The following NTM variants were observed in gnomAD, a reference collection of about 807,000 sequenced individuals.
NTM encodes the protein IgLON family member 2.
A neutral mutation model predicts 42.1 loss-of-function variants in NTM; 13 were observed. The ratio of observed to expected loss-of-function variants is 0.31; its 90% confidence interval spans 0.20 to 0.49. NTM has a LOEUF of 0.49. Ranked by LOEUF, NTM falls within the 20% of genes least tolerant of loss-of-function variation. The pLI is 0.99. For missense variants in NTM, 373 were observed against 452.8 expected (o/e 0.82, Z 1.60); for synonymous variants, 187 against 179.2 (o/e 1.04, Z -0.35).
At chr11:131,598,250 A>T (rs1461304516) in intron 1 of NTM, among the ~76,000 whole-genome samples, 2 of 152,196 alleles carry the variant, frequency 1.3e-5, no homozygotes, top group Non-Finnish European at 1.5e-5. Flanking sequence ...GCTGGGTCAC[A>T]TTTTCAGAAT....
At chr11:131,923,846 C>T (rs2057566803) in intron 2 of NTM, among the ~76,000 whole-genome samples, 1 of 152,220 alleles carries the variant, frequency 6.6e-6, no homozygotes, top group Non-Finnish European at 1.5e-5. Flanking sequence ...GCCCGACCCT[C>T]CTCCCATCCC....
chr11:131,730,786 G>A (rs1327193654), intron 1 of NTM, among the ~76,000 whole-genome samples: 1 of 151,368 alleles, frequency 6.6e-6, no homozygotes, highest in Non-Finnish European at 1.5e-5. Context: ...GAATGGATCT[G>A]GGGTGCCTCT....
chr11:131,370,908 T>G lies in NTM; in HGVS notation c.82+20T>G, dbSNP rs1481967656. On this transcript the variant is annotated intron_variant, in intron 1 of 8. Coordinates refer to ENST00000683400, the MANE Select transcript of NTM (RefSeq NM_001352005.2). Reference sequence around the variant, plus strand: ...TCCAAGGTAAGAGCTTGCTATTGATTTGCCTTCGGTAGACCCAGGAATTGT... The same window carrying G: ...TCCAAGGTAAGAGCTTGCTATTGATGTGCCTTCGGTAGACCCAGGAATTGT... The G allele has an allele frequency of 1.2e-6, 2 of 1,613,154 alleles. No individual in the cohort carries two copies. The highest frequency in any genetic ancestry group is 1.7e-6 in the Non-Finnish European group (2 of 1,179,798).
intron 2 of NTM, among the ~76,000 whole-genome samples, chr11:131,984,060 C>T (rs73031519): frequency 0.019 from 2,899 of 152,282 alleles, 32 homozygotes; most frequent in Non-Finnish European, 0.029. Context: ...AAAATAGACA[C>T]AGATTTTGGT....
At chr11:131,768,688 CATG>C (rs1323238758) in intron 1 of NTM, among the ~76,000 whole-genome samples, 1 of 152,168 alleles carries the variant, frequency 6.6e-6, no homozygotes, top group African/African-American at 2.4e-5. Flanking sequence ...GTTTTAAGCC[CATG>C]GTATCTTGTT....
At chr11:131,506,228 G>A (rs760175063) in intron 1 of NTM, among the ~76,000 whole-genome samples, 19 of 152,014 alleles carry the variant, frequency 1.2e-4, no homozygotes, top group Non-Finnish European at 2.4e-4. Flanking sequence ...GGCCCTTTCC[G>A]TACCTCATTC....
intron 3 of NTM, among the ~76,000 whole-genome samples, chr11:132,154,726 C>T (rs2072789867): frequency 1.3e-5 from 2 of 152,174 alleles, no homozygotes; most frequent in South Asian, 4.1e-4. Flanking sequence ...CTGATATCTC[C>T]AGGCTAATTT....
intron 1 of NTM, among the ~76,000 whole-genome samples, chr11:131,608,980 G>A (rs185945563): frequency 6.6e-6 from 1 of 152,182 alleles, no homozygotes; most frequent in Non-Finnish European, 1.5e-5. Context: ...AAATAATAAT[G>A]TAAAATGTTT....
At chr11:131,375,317 T>C (rs1042338110) in intron 1 of NTM, among the ~76,000 whole-genome samples, 6 of 152,380 alleles carry the variant, frequency 3.9e-5, no homozygotes, top group African/African-American at 1.4e-4. Flanking sequence ...ATTATATTTA[T>C]GCAGTTTACT....
At chr11:131,394,760 C>T (rs578006637) in intron 1 of NTM, among the ~76,000 whole-genome samples, 2 of 152,266 alleles carry the variant, frequency 1.3e-5, no homozygotes, top group South Asian at 2.1e-4. Context: ...ATCTCAGCGT[C>T]GAGCTCAGCT....
At chr11:132,107,558 C>G (rs2062564879) in intron 2 of NTM, among the ~76,000 whole-genome samples, 1 of 151,346 alleles carries the variant, frequency 6.6e-6, no homozygotes, top group African/African-American at 2.4e-5. Context: ...TTTGTAAAGA[C>G]AGTGTTTCAC....
chr11:132,210,006 A>G (rs2082590039), intron 3 of NTM, among the ~76,000 whole-genome samples: 1 of 152,194 alleles, frequency 6.6e-6, no homozygotes, highest in African/African-American at 2.4e-5. Context: ...ACAACTAGGA[A>G]TGAGTGAGTA....
chr11:132,124,632 C>T (rs117373711), intron 2 of NTM, among the ~76,000 whole-genome samples: 15 of 152,158 alleles, frequency 9.9e-5, no homozygotes, highest in Admixed American at 3.9e-4. Context: ...TGCGCGCGCA[C>T]GCGCAGGGCG....
At chr11:132,286,996 G>A (rs2094265850) in intron 4 of NTM, among the ~76,000 whole-genome samples, 1 of 152,098 alleles carries the variant, frequency 6.6e-6, no homozygotes. Context: ...CCTTTCCCTG[G>A]TACATGAACA....
chr11:132,324,779 G>C (rs911059410), intron 7 of NTM, among the ~76,000 whole-genome samples: 1 of 148,318 alleles, frequency 6.7e-6, no homozygotes, highest in African/African-American at 2.5e-5. Flanking sequence ...ATACTACAAG[G>C]CTACAGTAAC....
At chr11:132,009,646 C>T (rs1458835543) in intron 2 of NTM, among the ~76,000 whole-genome samples, 3 of 152,198 alleles carry the variant, frequency 2.0e-5, no homozygotes, top group Admixed American at 6.5e-5. Context: ...CTGTTTTGCA[C>T]GCCACACTTG....
At chr11:132,142,179 G>A (rs755607646) in intron 2 of NTM, among the ~76,000 whole-genome samples, 15 of 152,182 alleles carry the variant, frequency 9.9e-5, no homozygotes, top group African/African-American at 3.4e-4. Context: ...CCTTTTGATC[G>A]CCCATCTCCC....
intron 1 of NTM, among the ~76,000 whole-genome samples, chr11:131,791,816 AGAGTTT>A (rs529670256): frequency 2.2e-3 from 340 of 152,310 alleles, no homozygotes; most frequent in Non-Finnish European, 3.4e-3. Flanking sequence ...CTTTGGAGGG[AGAGTTT>A]GAAGTGAGGT....
At chr11:131,850,863 A>G (rs2045451245) in intron 1 of NTM, among the ~76,000 whole-genome samples, 1 of 152,208 alleles carries the variant, frequency 6.6e-6, no homozygotes, top group Non-Finnish European at 1.5e-5. Context: ...CTTGAGGAGA[A>G]GAAGAGGCAG....
Sources: allele counts gnomAD v4.1 joint callset (sites outside exome capture counted in the v4.1 genomes callset), GRCh38; gene constraint gnomAD v4.1.1; transcripts MANE v1.5; gene names NCBI Gene and HGNC (gene_info 2026-07-23, HGNC 2026-07-21).